The following GFRA2 variants were observed in gnomAD, a reference collection of about 807,000 sequenced individuals.
The protein encoded by GFRA2 is GDNF family receptor alpha 2.
In GFRA2, 17 loss-of-function variants were observed where a neutral mutation model predicts 48.3. The ratio of observed to expected loss-of-function variants is 0.35; its 90% confidence interval spans 0.24 to 0.53. GFRA2 has a LOEUF of 0.53. Among genes scored for constraint, GFRA2 ranks in the 20% least tolerant of loss-of-function variants. GFRA2 has a pLI of 0.93. For synonymous variants in GFRA2, 305 were observed against 257.2 expected, an observed-to-expected ratio of 1.19 and a Z score of -1.78; for missense variants, 660 against 637.3, an observed-to-expected ratio of 1.04 and a Z score of -0.38.
At chr8:21,765,391 G>A (rs1806105113) in intron 3 of GFRA2, among the ~76,000 whole-genome samples, 1 of 152,022 alleles carries the variant, frequency 6.6e-6, no homozygotes, top group South Asian at 2.1e-4. Flanking sequence ...GATTATAGGT[G>A]TGAGCCACTA....
At chr8:21,794,449 C>T (rs1807633562) in intron 2 of GFRA2, among the ~76,000 whole-genome samples, 1 of 151,294 alleles carries the variant, frequency 6.6e-6, no homozygotes, top group Non-Finnish European at 1.5e-5. Context: ...CAAGGTTTCA[C>T]CATGTTGGCC....
At chr8:21,700,571 C>T (rs375751594) in intron 7 of GFRA2, among the ~76,000 whole-genome samples, 2 of 152,300 alleles carry the variant, frequency 1.3e-5, no homozygotes, top group South Asian at 2.1e-4. Context: ...CCCTTCTCGA[C>T]TGCCAACTGG....
At chr8:21,763,361 G>A (rs1177547810) in intron 3 of GFRA2, among the ~76,000 whole-genome samples, 1 of 152,110 alleles carries the variant, frequency 6.6e-6, no homozygotes, top group East Asian at 1.9e-4. Flanking sequence ...CTCCTGGGAA[G>A]TTCATGTCAT....
intron 4 of GFRA2, among the ~76,000 whole-genome samples, chr8:21,723,692 AC>A (rs1803717604): frequency 6.6e-6 from 1 of 152,056 alleles, no homozygotes; most frequent in Admixed American, 6.5e-5. Context: ...AGACTTTTGG[AC>A]ACCCCTGGGA....
chr8:21,729,518 A>C (rs1804073211), intron 4 of GFRA2, among the ~76,000 whole-genome samples: 1 of 152,074 alleles, frequency 6.6e-6, no homozygotes, highest in Admixed American at 6.5e-5. Context: ...CCTTCCTCGC[A>C]CTTACAGATT....
chr8:21,779,915 C>G (rs199531469), intron 2 of GFRA2, among the ~76,000 whole-genome samples: 1 of 152,100 alleles, frequency 6.6e-6, no homozygotes, highest in African/African-American at 2.4e-5. Flanking sequence ...GGCTCATCCC[C>G]TGGCCCACTT....
intron 3 of GFRA2, among the ~76,000 whole-genome samples, chr8:21,755,804 A>C (rs1272438388): frequency 2.0e-5 from 3 of 152,280 alleles, no homozygotes; most frequent in Non-Finnish European, 2.9e-5. Flanking sequence ...ATGGAAACCA[A>C]GGCAAGGAAT....
chr8:21,802,194 GC>G (rs1363811936), intron 2 of GFRA2, among the ~76,000 whole-genome samples: 1 of 152,228 alleles, frequency 6.6e-6, no homozygotes, highest in East Asian at 1.9e-4. Context: ...CTTTCTAGCT[GC>G]CTGGCTTTGG....
chr8:21,727,460 C>A (rs969759764), intron 4 of GFRA2, among the ~76,000 whole-genome samples: 2 of 152,238 alleles, frequency 1.3e-5, no homozygotes, highest in Admixed American at 6.5e-5. Context: ...CTCCTCTCCT[C>A]CAAGCGCTCT....
At chr8:21,785,342 CG>C (rs1807219805) in intron 1 of GFRA2, among the ~76,000 whole-genome samples, 1 of 152,160 alleles carries the variant, frequency 6.6e-6, no homozygotes, top group South Asian at 2.1e-4. Context: ...TGCGAAGGGC[CG>C]GGGCATCCAT....
At chr8:21,798,483 G>C (rs1807715973) in intron 2 of GFRA2, among the ~76,000 whole-genome samples, 1 of 152,170 alleles carries the variant, frequency 6.6e-6, no homozygotes, top group African/African-American at 2.4e-5. Flanking sequence ...TTCACCTCAT[G>C]GAATGAGCCA....
intron 4 of GFRA2, among the ~76,000 whole-genome samples, chr8:21,740,217 C>A (rs1804683786): frequency 6.6e-6 from 1 of 152,206 alleles, no homozygotes; most frequent in Admixed American, 6.5e-5. Context: ...TCACTCCACA[C>A]TTCCCAAAGC....
intron 3 of GFRA2, among the ~76,000 whole-genome samples, chr8:21,752,847 T>A (rs927982810): frequency 6.6e-6 from 1 of 152,048 alleles, no homozygotes; most frequent in African/African-American, 2.4e-5. Flanking sequence ...TGACTCTTAT[T>A]CATACACTGC....
intron 4 of GFRA2, among the ~76,000 whole-genome samples, chr8:21,745,292 T>C (rs565913255): frequency 1.6e-4 from 24 of 152,124 alleles, no homozygotes; most frequent in Non-Finnish European, 3.5e-4. Context: ...TGGGCATCTC[T>C]AGGCCAACTC....
chr8:21,757,536 C>A (rs892591918), intron 3 of GFRA2, among the ~76,000 whole-genome samples: 2 of 137,864 alleles, frequency 1.5e-5, no homozygotes, highest in Non-Finnish European at 3.1e-5. Flanking sequence ...CACTCTGTCG[C>A]ACGTTGTAGT....
chr8:21,735,483 C>T (rs1048485582), intron 4 of GFRA2, among the ~76,000 whole-genome samples: 6 of 152,042 alleles, frequency 3.9e-5, no homozygotes, highest in African/African-American at 1.4e-4. Flanking sequence ...AGTGCTTGGG[C>T]CAGTAGGCAA....
chr8:21,719,408 C>A (rs1316967995), intron 4 of GFRA2, among the ~76,000 whole-genome samples: 1 of 152,076 alleles, frequency 6.6e-6, no homozygotes, highest in African/African-American at 2.4e-5. Context: ...TCTCCCCAAT[C>A]CCTCCACCTA....
chr8:21,759,526 G>GAAGA (rs1805786509), intron 3 of GFRA2, among the ~76,000 whole-genome samples: 1 of 149,052 alleles, frequency 6.7e-6, no homozygotes, highest in Non-Finnish European at 1.5e-5. Flanking sequence ...AGGAAGGAAG[G>GAAGA]AAGGAAGGAA....
chr8:21,760,459 G>C (rs1000174320), intron 3 of GFRA2, among the ~76,000 whole-genome samples: 2 of 152,274 alleles, frequency 1.3e-5, no homozygotes, highest in Admixed American at 6.5e-5. Context: ...GGAGGAGAGA[G>C]AGAAATCAAG....
Sources: allele counts gnomAD v4.1 joint callset (sites outside exome capture counted in the v4.1 genomes callset), GRCh38; gene constraint gnomAD v4.1.1; transcripts MANE v1.5; gene names NCBI Gene and HGNC (gene_info 2026-07-23, HGNC 2026-07-21).